Variants in GMDS observed in about 807,000 individuals in gnomAD.
GMDS encodes the protein GDP-mannose 4,6-dehydratase, also known as GDP-mannose 4,6 dehydratase.
A neutral mutation model predicts 49.9 loss-of-function variants in GMDS; 20 were observed. The ratio of observed to expected loss-of-function variants is 0.40; its 90% CI spans 0.28 to 0.58. GMDS has a LOEUF of 0.58. Among genes scored for constraint, GMDS ranks in the 20% least tolerant of loss-of-function variants. The probability of loss-of-function intolerance (pLI) is 0.42; values close to 1 mark genes in which losing one functional copy is unlikely to be tolerated. For synonymous variants in GMDS, 177 were observed against 178.6 expected, an observed-to-expected ratio of 0.99 and a Z score of 0.07; for missense variants, 362 against 481.4, an observed-to-expected ratio of 0.75 and a Z score of 2.32.
chr6:1,989,114 G>A (rs192433392), intron 4 of GMDS, among the ~76,000 whole-genome samples: 1 of 152,216 alleles, frequency 6.6e-6, no homozygotes, highest in African/African-American at 2.4e-5. Context: ...GACAGAACTG[G>A]CATAGTGGAA....
chr6:1,657,853 C>CA (rs757277370), intron 9 of GMDS, among the ~76,000 whole-genome samples: 5,903 of 63,222 alleles, frequency 0.093, 267 homozygotes, highest in Admixed American at 0.15. Flanking sequence ...AGAACTCAAG[C>CA]AAAAAAAAAA....
intron 9 of GMDS, among the ~76,000 whole-genome samples, chr6:1,645,646 C>A (rs1763463690): frequency 6.6e-6 from 1 of 152,216 alleles, no homozygotes; most frequent in East Asian, 1.9e-4. Context: ...CCCCTTTCTG[C>A]AGACAACTTC....
At chr6:2,067,592 G>A (rs1474235524) in intron 4 of GMDS, among the ~76,000 whole-genome samples, 2 of 151,856 alleles carry the variant, frequency 1.3e-5, no homozygotes, top group Middle Eastern at 3.2e-3. Context: ...TATCACCACC[G>A]ATCCCACAGA....
chr6:1,845,177 C>T (rs559228544), intron 7 of GMDS, among the ~76,000 whole-genome samples: 3 of 152,320 alleles, frequency 2.0e-5, no homozygotes, highest in Admixed American at 2.0e-4. Flanking sequence ...GGCAATTTGT[C>T]AATGTCATCA....
chr6:1,844,360 T>C (rs1283093846), intron 7 of GMDS, among the ~76,000 whole-genome samples: 2 of 152,218 alleles, frequency 1.3e-5, no homozygotes, highest in African/African-American at 2.4e-5. Context: ...TGTACTTGGA[T>C]TGTACATTTA....
intron 4 of GMDS, among the ~76,000 whole-genome samples, chr6:2,088,538 C>T (rs1773140021): frequency 6.6e-6 from 1 of 152,118 alleles, no homozygotes; most frequent in South Asian, 2.1e-4. Flanking sequence ...TTGGGTTGTA[C>T]AAAATAAATA....
At chr6:1,926,615 C>T in intron 7 of GMDS, among the ~76,000 whole-genome samples, 1 of 152,212 alleles carries the variant, frequency 6.6e-6, no homozygotes. Context: ...CAATACCTCT[C>T]CTTTTTCATT....
At chr6:2,239,990 C>T (rs534209263) in intron 1 of GMDS, among the ~76,000 whole-genome samples, 21 of 152,290 alleles carry the variant, frequency 1.4e-4, no homozygotes, top group African/African-American at 4.3e-4. Flanking sequence ...TGAGCCACCA[C>T]GCCCAGCCCA....
At chr6:1,780,954 AAC>A (rs1335117400) in intron 7 of GMDS, among the ~76,000 whole-genome samples, 14 of 152,242 alleles carry the variant, frequency 9.2e-5, no homozygotes, top group African/African-American at 3.1e-4. Flanking sequence ...TCTCATTCTG[AAC>A]ACAGTTTGAG....
chr6:2,234,595 G>A (rs1346395219), intron 1 of GMDS, among the ~76,000 whole-genome samples: 3 of 151,930 alleles, frequency 2.0e-5, no homozygotes, highest in African/African-American at 7.3e-5. Context: ...GGCAATAAGA[G>A]CGAAACTCCG....
chr6:2,134,173 T>G (rs533273794), intron 1 of GMDS, among the ~76,000 whole-genome samples: 36 of 152,180 alleles, frequency 2.4e-4, no homozygotes, highest in Non-Finnish European at 2.6e-4. Flanking sequence ...ATAGCTCAGC[T>G]CCACCACAGA....
At chr6:1,816,874 T>C (rs567003662) in intron 7 of GMDS, among the ~76,000 whole-genome samples, 6 of 151,456 alleles carry the variant, frequency 4.0e-5, no homozygotes, top group Non-Finnish European at 2.9e-5. Context: ...GGAGTTTCAA[T>C]GGAAGGGGGG....
At chr6:1,946,337 T>C (rs576325310) in intron 6 of GMDS, among the ~76,000 whole-genome samples, 1 of 152,222 alleles carries the variant, frequency 6.6e-6, no homozygotes, top group East Asian at 1.9e-4. Flanking sequence ...AAATCCTATA[T>C]CCTTCACTAC....
At chr6:1,881,660 A>C (rs1156489894) in intron 7 of GMDS, among the ~76,000 whole-genome samples, 2 of 152,340 alleles carry the variant, frequency 1.3e-5, no homozygotes, top group African/African-American at 4.8e-5. Context: ...TTCTGTTTTC[A>C]GCAAACTTCT....
intron 4 of GMDS, among the ~76,000 whole-genome samples, chr6:2,105,238 A>G (rs187122885): frequency 6.6e-6 from 1 of 151,810 alleles, no homozygotes; most frequent in Non-Finnish European, 1.5e-5. Context: ...CTTTCCTAAT[A>G]TTTAATATAA....
intron 1 of GMDS, among the ~76,000 whole-genome samples, chr6:2,234,649 G>A (rs1443426323): frequency 6.6e-6 from 1 of 152,028 alleles, no homozygotes; most frequent in Admixed American, 6.6e-5. Context: ...AAACTTACAA[G>A]ATTTGAAAAG....
chr6:1,742,874 G>A (rs1161331615), intron 7 of GMDS, among the ~76,000 whole-genome samples: 1 of 152,188 alleles, frequency 6.6e-6, no homozygotes, highest in Non-Finnish European at 1.5e-5. Context: ...GATTCTCATA[G>A]TGCAGGTCCT....
At chr6:1,933,314 C>G (rs1179698531) in intron 6 of GMDS, among the ~76,000 whole-genome samples, 2 of 152,176 alleles carry the variant, frequency 1.3e-5, no homozygotes, top group Non-Finnish European at 2.9e-5. Flanking sequence ...CATCCTTTGC[C>G]TTTTGTGAAT....
chr6:1,927,948 T>A (rs56088586), intron 7 of GMDS, among the ~76,000 whole-genome samples: 10 of 152,242 alleles, frequency 6.6e-5, no homozygotes, highest in African/African-American at 2.2e-4. Context: ...TATGGTATAC[T>A]GTTTCCCTCA....
Sources: gnomAD v4.1 joint callset for allele counts (sites outside exome capture counted in the v4.1 genomes callset) on GRCh38, gnomAD v4.1.1 for gene constraint, MANE v1.5 for transcripts, NCBI Gene and HGNC (gene_info 2026-07-23, HGNC 2026-07-21) for gene names.